Variants in CCDC13 observed in about 807,000 individuals in gnomAD.
CCDC13 encodes the protein coiled-coil domain containing 13, also known as coiled-coil domain-containing protein 13.
Under a neutral mutation model 87.3 loss-of-function variants are expected in CCDC13, and 70 were observed. That is an observed-to-expected ratio of 0.80 (90% CI 0.66 to 0.98). The LOEUF (loss-of-function observed/expected upper bound fraction) is 0.98. Ranked by LOEUF, CCDC13 falls within the 50% of genes least tolerant of loss-of-function variation. The pLI is 0.00. For synonymous variants in CCDC13, 317 were observed against 360.3 expected, an observed-to-expected ratio of 0.88 and a Z score of 1.36; for missense variants, 842 against 892.0, an observed-to-expected ratio of 0.94 and a Z score of 0.71.
intron 9 of CCDC13, among the ~76,000 whole-genome samples, chr3:42,737,060 C>T (rs1396257841): frequency 6.6e-6 from 1 of 152,086 alleles, no homozygotes; most frequent in African/African-American, 2.4e-5. Context: ...CTATCCCTCC[C>T]CCAGCCCCCC....
At chr3:42,724,179 C>T (rs991789463) in intron 13 of CCDC13, among the ~76,000 whole-genome samples, 1 of 152,222 alleles carries the variant, frequency 6.6e-6, no homozygotes, top group Non-Finnish European at 1.5e-5. Context: ...TAGCAAACCA[C>T]ATTGTGAATT....
At chr3:42,713,537 C>A (rs1481180961) in intron 13 of CCDC13, among the ~76,000 whole-genome samples, 3 of 152,180 alleles carry the variant, frequency 2.0e-5, no homozygotes, top group Non-Finnish European at 2.9e-5. Context: ...CCCCATCATT[C>A]CCAATTCCTG....
chr3:42,717,216 A>G (rs1038918710), intron 13 of CCDC13, among the ~76,000 whole-genome samples: 2 of 152,090 alleles, frequency 1.3e-5, no homozygotes, highest in Non-Finnish European at 2.9e-5. Flanking sequence ...ACCAGAGGTC[A>G]GGAGTTCAAG....
chr3:42,735,686 C>G (rs565579778), intron 10 of CCDC13, 21 bp downstream of exon 10: 26 of 1,610,198 alleles, frequency 1.6e-5, no homozygotes, highest in East Asian at 2.2e-5. Flanking sequence ...TGGGTTTGGG[C>G]GCTGCCAGTG....
chr3:42,772,669 G>C (rs1056475389), intron 1 of CCDC13, among the ~76,000 whole-genome samples: 8 of 152,178 alleles, frequency 5.3e-5, no homozygotes, highest in African/African-American at 1.9e-4. Context: ...GTTTGGGATG[G>C]GAGCGGGGTG....
At chr3:42,747,484 A>T in intron 5 of CCDC13, 111 bp from the exon 6 acceptor site, 1 of 770,698 alleles carries the variant, frequency 1.3e-6, no homozygotes, top group Admixed American at 2.1e-5. Flanking sequence ...AGTGTTTGAC[A>T]TGGAAGAACT....
intron 13 of CCDC13, among the ~76,000 whole-genome samples, chr3:42,725,867 A>G (rs339731): frequency 0.23 from 34,949 of 152,096 alleles, 4,815 homozygotes; most frequent in East Asian, 0.51. Context: ...AATTGAAACC[A>G]CACAAGGAAA....
intron 3 of CCDC13, among the ~76,000 whole-genome samples, chr3:42,754,193 C>A (rs1699654484): frequency 1.3e-5 from 2 of 152,200 alleles, no homozygotes; most frequent in African/African-American, 4.8e-5. Context: ...TGGTGGAAAG[C>A]AAACAGGCAC....
chr3:42,751,479 C>T (rs964818038), intron 5 of CCDC13, among the ~76,000 whole-genome samples: 20 of 152,222 alleles, frequency 1.3e-4, no homozygotes, highest in African/African-American at 4.1e-4. Flanking sequence ...ATAATATGAA[C>T]TGCCCCATAA....
intron 1 of CCDC13, among the ~76,000 whole-genome samples, chr3:42,766,273 G>A (rs915047067): frequency 6.6e-6 from 1 of 152,084 alleles, no homozygotes; most frequent in Non-Finnish European, 1.5e-5. Context: ...GGTTCAGAAG[G>A]GAAGTCTGAG....
chr3:42,765,458 T>G (rs1036894225), intron 1 of CCDC13, among the ~76,000 whole-genome samples: 1 of 152,096 alleles, frequency 6.6e-6, no homozygotes, highest in African/African-American at 2.4e-5. Context: ...CAGGCTGGAG[T>G]GCAATGGCAC....
intron 9 of CCDC13, among the ~76,000 whole-genome samples, chr3:42,736,414 G>A (rs1448576172): frequency 6.6e-6 from 1 of 152,150 alleles, no homozygotes; most frequent in Non-Finnish European, 1.5e-5. Flanking sequence ...GAACAGGTGG[G>A]GGCTGTTGTC....
At chr3:42,765,982 A>G (rs914973448) in intron 1 of CCDC13, among the ~76,000 whole-genome samples, 2 of 152,128 alleles carry the variant, frequency 1.3e-5, no homozygotes, top group Admixed American at 1.3e-4. Flanking sequence ...GCTGGAGGCA[A>G]AGGGCCTAGC....
chr3:42,767,169 TA>T (rs35489139), intron 1 of CCDC13, among the ~76,000 whole-genome samples: 52 of 146,694 alleles, frequency 3.5e-4, no homozygotes, highest in Admixed American at 1.4e-3. Flanking sequence ...AAGAATCTAT[TA>T]AAAAAAAAAA....
In CCDC13 at chr3:42,749,120, C is replaced by T. The variant is rs562271790; in HGVS notation, c.604-1747G>A. On this transcript the variant is annotated intron_variant, in intron 5 of 15. Coordinates refer to ENST00000310232, the MANE Select transcript of CCDC13 (RefSeq NM_144719.4). ...TCCTCCTGTCTGGCCGCCTGCCATC[C>T]CTGCATACTCTGTTGGGTGCCTGCC... Among the ~76,000 whole-genome samples, 135 of 152,234 alleles carry T rather than the reference C, an allele frequency of 8.9e-4. 1 individual carries two copies. The South Asian group carries it at 0.026, about 29-fold the overall frequency.
chr3:42,745,936 A>G lies in CCDC13; in HGVS notation c.812T>C (p.Val271Ala). Residue 271 changes from valine (V) to alanine (A), a missense_variant, in exon 7 of 16, where the codon GTT becomes GCT. Val to Ala is a moderately conservative substitution (Grantham distance 64, BLOSUM62 0). Coordinates refer to ENST00000310232, the MANE Select transcript of CCDC13 (RefSeq NM_144719.4). ...TWRGRAQQIL[V>A]LQSKVQELEK... ...TGACTCACTCACCTTGCTCTGCAAA[A>G]CAAGAATTTGTTGAGCCCGACCCCT... The G allele has an allele frequency of 6.2e-7, 1 of 1,613,710 alleles. No individual in the cohort carries two copies. The highest frequency in any genetic ancestry group is 8.5e-7 in the Non-Finnish European group (1 of 1,179,678).
At chr3:42,739,360 A>C (rs1699136814) in intron 9 of CCDC13, among the ~76,000 whole-genome samples, 1 of 152,128 alleles carries the variant, frequency 6.6e-6, no homozygotes, top group African/African-American at 2.4e-5. Flanking sequence ...TCCTTCCCCC[A>C]ATACATTTCT....
chr3:42,742,863 C>A, intron 8 of CCDC13, 33 bp downstream of exon 8: 1 of 1,611,696 alleles, frequency 6.2e-7, no homozygotes, highest in Admixed American at 1.7e-5. Flanking sequence ...CTCGTTCCCA[C>A]ATGCCCAGCT....
At position 42,745,951 on chromosome 3, in the gene CCDC13, G is replaced by A. The variant is rs780146333; in HGVS notation, c.797C>T (p.Ala266Val). 8.1e-6 allele frequency: 13 copies of A among 1,613,898 alleles called. No individual in the cohort carries two copies. The highest frequency in any genetic ancestry group is 6.7e-5 in the East Asian group (3 of 44,884). ...LSSPGTWRGR[A>V]QQILVLQSKV... ...GCTCTGCAAAACAAGAATTTGTTGA[G>A]CCCGACCCCTCCAGGTCCCTGGCGA... The change falls in exon 7 of 16, where the codon GCT becomes GTT. Residue 266 changes from alanine (A) to valine (V), a missense_variant. Coordinates refer to ENST00000310232, the MANE Select transcript of CCDC13 (RefSeq NM_144719.4).
Sources: allele counts gnomAD v4.1 joint callset (sites outside exome capture counted in the v4.1 genomes callset), GRCh38; gene constraint gnomAD v4.1.1; transcripts MANE v1.5; gene names NCBI Gene and HGNC (gene_info 2026-07-23, HGNC 2026-07-21).